The following UBE2G1 variants were observed in gnomAD, a reference collection of about 807,000 sequenced individuals.
UBE2G1 encodes the protein ubiquitin conjugating enzyme E2 G1, also known as ubiquitin-conjugating enzyme E2 G1.
UBE2G1 carries 5 observed loss-of-function variants against 22.7 expected under a neutral mutation model. That is an observed-to-expected ratio of 0.22 (90% CI 0.12 to 0.46). The LOEUF is 0.46. Among genes scored for constraint, UBE2G1 ranks in the 20% least tolerant of loss-of-function variants. The probability of loss-of-function intolerance (pLI) is 0.99; values close to 1 mark genes in which losing one functional copy is unlikely to be tolerated. For missense variants in UBE2G1, 88 were observed against 203.9 expected, an observed-to-expected ratio of 0.43 and a Z score of 3.46; for synonymous variants, 74 against 67.5, an observed-to-expected ratio of 1.10 and a Z score of -0.47.
chr17:4,326,973 C>T (rs1462833114), intron 1 of UBE2G1, among the ~76,000 whole-genome samples: 1 of 152,178 alleles, frequency 6.6e-6, no homozygotes, highest in Admixed American at 6.5e-5. Flanking sequence ...ACCAGCCAGG[C>T]CAACATGGCA....
chr17:4,286,017 G>A (rs1296489180), intron 4 of UBE2G1, among the ~76,000 whole-genome samples: 1 of 151,806 alleles, frequency 6.6e-6, no homozygotes, highest in Non-Finnish European at 1.5e-5. Flanking sequence ...AGAAAAATGC[G>A]GGTTTCCTGG....
At chr17:4,295,826 G>C (rs1159809386) in intron 3 of UBE2G1, among the ~76,000 whole-genome samples, 2 of 149,958 alleles carry the variant, frequency 1.3e-5, no homozygotes, top group Non-Finnish European at 3.0e-5. Context: ...ACAGGGGAGA[G>C]AGTCCAGTGG....
chr17:4,284,779 TG>T (rs1367117054), intron 4 of UBE2G1, among the ~76,000 whole-genome samples: 6 of 151,460 alleles, frequency 4.0e-5, no homozygotes, highest in South Asian at 2.1e-4. Context: ...AAATACCATT[TG>T]TTTTTTTCCC....
intron 1 of UBE2G1, among the ~76,000 whole-genome samples, chr17:4,337,865 G>A (rs1969667232): frequency 6.6e-6 from 1 of 152,020 alleles, no homozygotes; most frequent in South Asian, 2.1e-4. Flanking sequence ...GAAGCCTGCA[G>A]AATTAATTCT....
chr17:4,343,564 A>C (rs1158080482), intron 1 of UBE2G1, among the ~76,000 whole-genome samples: 2 of 151,402 alleles, frequency 1.3e-5, no homozygotes, highest in Non-Finnish European at 2.9e-5. Context: ...TTTGGGTGGC[A>C]TTTCACTATA....
chr17:4,362,668 G>A (rs1394795886), intron 1 of UBE2G1, among the ~76,000 whole-genome samples: 1 of 152,146 alleles, frequency 6.6e-6, no homozygotes, highest in Non-Finnish European at 1.5e-5. Context: ...TTCAATAAAT[G>A]TAGCCATTGT....
At chr17:4,327,313 T>TA (rs996534676) in intron 1 of UBE2G1, among the ~76,000 whole-genome samples, 9 of 145,876 alleles carry the variant, frequency 6.2e-5, no homozygotes, top group Admixed American at 6.1e-4. Context: ...AATACAAAAA[T>TA]ACAAAAATAG....
intron 1 of UBE2G1, among the ~76,000 whole-genome samples, chr17:4,313,139 C>G (rs755667524): frequency 3.3e-5 from 5 of 152,154 alleles, no homozygotes; most frequent in Non-Finnish European, 5.9e-5. Context: ...CAGATATAAA[C>G]AAAGAGGTAT....
At chr17:4,272,914 A>C (rs1379379828) in intron 5 of UBE2G1, among the ~76,000 whole-genome samples, 1 of 152,242 alleles carries the variant, frequency 6.6e-6, no homozygotes, top group Admixed American at 6.5e-5. Flanking sequence ...CCATAAGAGA[A>C]GATTTAAAAG....
At chr17:4,336,788 GAA>G (rs1274040691) in intron 1 of UBE2G1, among the ~76,000 whole-genome samples, 1 of 152,050 alleles carries the variant, frequency 6.6e-6, no homozygotes, top group Admixed American at 6.6e-5. Flanking sequence ...AAATTTCAAA[GAA>G]ATCTAAGAAA....
intron 1 of UBE2G1, among the ~76,000 whole-genome samples, chr17:4,352,583 A>C (rs899976813): frequency 6.6e-5 from 10 of 152,362 alleles, no homozygotes; most frequent in African/African-American, 2.4e-4. Context: ...AGCCAAGAAG[A>C]AAACAATGTT....
chr17:4,348,663 A>G (rs1444416479), intron 1 of UBE2G1, among the ~76,000 whole-genome samples: 1 of 151,878 alleles, frequency 6.6e-6, no homozygotes, highest in Admixed American at 6.6e-5. Context: ...GCAGTTCAAG[A>G]CCAGCCTGGC....
intron 1 of UBE2G1, among the ~76,000 whole-genome samples, chr17:4,349,671 G>A (rs557287129): frequency 2.6e-5 from 4 of 151,870 alleles, no homozygotes; most frequent in East Asian, 1.9e-4. Context: ...GTGAAACCCC[G>A]TCTCTACTAA....
chr17:4,313,288 T>C (rs1969332311), intron 1 of UBE2G1, among the ~76,000 whole-genome samples: 1 of 152,202 alleles, frequency 6.6e-6, no homozygotes, highest in Non-Finnish European at 1.5e-5. Context: ...AGCAATAAAG[T>C]CTAAATACAA....
chr17:4,312,478 C>T (rs558032246), intron 1 of UBE2G1, among the ~76,000 whole-genome samples: 97 of 151,894 alleles, frequency 6.4e-4, no homozygotes, highest in Non-Finnish European at 8.7e-4. Flanking sequence ...AGGCGGATCA[C>T]GAGGTCAAGA....
intron 1 of UBE2G1, among the ~76,000 whole-genome samples, chr17:4,349,684 A>C (rs567389147): frequency 8.2e-4 from 125 of 152,080 alleles, no homozygotes; most frequent in Non-Finnish European, 1.2e-3. Flanking sequence ...TCTACTAAAA[A>C]TACAAAAAAT....
In UBE2G1 at chr17:4,341,933, G is replaced by C. The variant is rs577924644; in HGVS notation, c.46+24338C>G. On this transcript the variant is annotated intron_variant, in intron 1 of 5. Transcript: ENST00000396981. ...TGACGCCGCTCACACTCCTTCACTA[G>C]CTTCTGGTTACTTATCTGGCTTCTT... Among the ~76,000 whole-genome samples the C allele has an allele frequency of 3.9e-5, 6 of 152,282 alleles. No homozygotes were observed. In the East Asian group the frequency reaches 1.2e-3, roughly 29 times the overall value.
At chr17:4,316,273 A>G (rs8067579) in intron 1 of UBE2G1, among the ~76,000 whole-genome samples, 144,965 of 152,212 alleles carry the variant, frequency 0.95, 69,477 homozygotes, top group East Asian at 1. Flanking sequence ...GCTGCAAGGT[A>G]TATGTCTGTA....
rs143527435 is a variant in UBE2G1, at chr17:4,334,757, T to C, written c.47-27634A>G. Among the ~76,000 whole-genome samples, 471 of 152,238 alleles carry C rather than the reference T, an allele frequency of 3.1e-3. 1 individual carries two copies. The highest frequency in any genetic ancestry group is 0.01 in the African/African-American group (431 of 41,528). ...TTTCACCATGTTGGCCAGGCTGGTCTCAAACTCCTGACCTCAACTGATCCA... is the reference window on the plus strand; with the variant it reads ...TTTCACCATGTTGGCCAGGCTGGTCCCAAACTCCTGACCTCAACTGATCCA... On this transcript the variant is annotated intron_variant, in intron 1 of 5. Coordinates refer to ENST00000396981, the MANE Select transcript of UBE2G1 (RefSeq NM_003342.5).
Sources: gnomAD v4.1 joint callset for allele counts (sites outside exome capture counted in the v4.1 genomes callset) on GRCh38, gnomAD v4.1.1 for gene constraint, MANE v1.5 for transcripts, NCBI Gene and HGNC (gene_info 2026-07-23, HGNC 2026-07-21) for gene names.